The following DNAJC1 variants were observed in gnomAD, a reference collection of about 807,000 sequenced individuals.
DNAJC1 encodes dnaJ homolog subfamily C member 1.
In DNAJC1, 58 loss-of-function variants were observed where a neutral mutation model predicts 76.6. That is an observed-to-expected ratio of 0.76 (90% CI 0.61 to 0.94). The LOEUF is 0.94. Among genes scored for constraint, DNAJC1 ranks in the 40% least tolerant of loss-of-function variants. The pLI, the probability that DNAJC1 is intolerant of heterozygous loss-of-function variation, is 0.00. For synonymous variants in DNAJC1, 258 were observed against 267.9 expected, an observed-to-expected ratio of 0.96 and a Z score of 0.36; for missense variants, 689 against 677.3, an observed-to-expected ratio of 1.02 and a Z score of -0.19.
chr10:22,000,303 A>G (rs546339276), intron 1 of DNAJC1, among the ~76,000 whole-genome samples: 23 of 152,280 alleles, frequency 1.5e-4, no homozygotes, highest in African/African-American at 4.6e-4. Flanking sequence ...TCAGTACACT[A>G]AAGAGATCAT....
chr10:21,837,061 C>T (rs1489584474), intron 8 of DNAJC1, among the ~76,000 whole-genome samples: 2 of 152,254 alleles, frequency 1.3e-5, no homozygotes, highest in Admixed American at 1.3e-4. Flanking sequence ...CAGGCGTGCG[C>T]CGCCACGCCT....
intron 7 of DNAJC1, among the ~76,000 whole-genome samples, chr10:21,896,066 T>C (rs968074632): frequency 6.6e-6 from 1 of 152,170 alleles, no homozygotes; most frequent in Non-Finnish European, 1.5e-5. Flanking sequence ...TTTCAACAGA[T>C]GCCTCATAGA....
At chr10:21,849,292 CAA>C (rs33953332) in intron 8 of DNAJC1, among the ~76,000 whole-genome samples, 60 of 35,864 alleles carry the variant, frequency 1.7e-3, no homozygotes, top group African/African-American at 5.4e-3. Flanking sequence ...GACTCCGCCT[CAA>C]AAAAAAAAAA....
At chr10:21,893,812 A>T (rs1412912883) in intron 7 of DNAJC1, among the ~76,000 whole-genome samples, 1 of 151,850 alleles carries the variant, frequency 6.6e-6, no homozygotes, top group South Asian at 2.1e-4. Flanking sequence ...AGAAGGAAGG[A>T]AGTAATAAAA....
chr10:21,791,413 C>T (rs1834685396), intron 9 of DNAJC1, among the ~76,000 whole-genome samples: 1 of 152,170 alleles, frequency 6.6e-6, no homozygotes, highest in Non-Finnish European at 1.5e-5. Context: ...ATTTACAGAA[C>T]ACTTCATCCA....
intron 6 of DNAJC1, among the ~76,000 whole-genome samples, chr10:21,906,240 C>G (rs1836743910): frequency 1.3e-5 from 2 of 152,076 alleles, no homozygotes; most frequent in African/African-American, 4.8e-5. Context: ...AACAATGGTA[C>G]TACTAGAAGA....
At chr10:21,879,945 G>A (rs903475058) in intron 8 of DNAJC1, among the ~76,000 whole-genome samples, 1 of 152,134 alleles carries the variant, frequency 6.6e-6, no homozygotes, top group African/African-American at 2.4e-5. Context: ...ATATTTCTCT[G>A]TAGCATGTGA....
chr10:21,818,367 T>G (rs1835106744), intron 8 of DNAJC1, among the ~76,000 whole-genome samples: 1 of 152,210 alleles, frequency 6.6e-6, no homozygotes, highest in African/African-American at 2.4e-5. Flanking sequence ...TGTCTCCTAA[T>G]AAGATGTTAT....
chr10:21,867,002 C>T (rs1836011804), intron 8 of DNAJC1, among the ~76,000 whole-genome samples: 1 of 152,092 alleles, frequency 6.6e-6, no homozygotes, highest in African/African-American at 2.4e-5. Flanking sequence ...TTAAAACTGG[C>T]TTTTCAGCTA....
chr10:21,900,571 T>C (rs914847898), intron 7 of DNAJC1, among the ~76,000 whole-genome samples: 5 of 152,154 alleles, frequency 3.3e-5, no homozygotes, highest in Admixed American at 3.3e-4. Context: ...CCATTGGTAT[T>C]CAAATATCCT....
chr10:21,938,624 G>A (rs1039612159), intron 1 of DNAJC1, among the ~76,000 whole-genome samples: 1 of 152,128 alleles, frequency 6.6e-6, no homozygotes, highest in Non-Finnish European at 1.5e-5. Flanking sequence ...TGGGTATGGT[G>A]GTGTTCCAAT....
intron 1 of DNAJC1, among the ~76,000 whole-genome samples, chr10:21,966,302 C>G (rs996946931): frequency 1.3e-5 from 2 of 152,032 alleles, no homozygotes; most frequent in African/African-American, 4.8e-5. Flanking sequence ...TACCATTTTT[C>G]CCTATATAAT....
chr10:21,929,966 C>A (rs1322390096), intron 1 of DNAJC1, among the ~76,000 whole-genome samples: 6 of 152,112 alleles, frequency 3.9e-5, no homozygotes, highest in African/African-American at 1.2e-4. Context: ...ACAAAGAATA[C>A]ACTGTCAAGT....
At chr10:21,801,925 C>A (rs1314041441) in intron 9 of DNAJC1, among the ~76,000 whole-genome samples, 1 of 151,962 alleles carries the variant, frequency 6.6e-6, no homozygotes, top group Non-Finnish European at 1.5e-5. Flanking sequence ...CACTTGTAAG[C>A]GGGAGCTAAA....
At chr10:21,919,634 A>G (rs1837008261) in intron 5 of DNAJC1, among the ~76,000 whole-genome samples, 198 bp downstream of exon 5, 2 of 151,974 alleles carry the variant, frequency 1.3e-5, no homozygotes, top group Admixed American at 6.6e-5. Flanking sequence ...CACACTTTAT[A>G]TGGGGGAAAA....
rs371913697 is a variant in DNAJC1 at position 21,837,533 on chromosome 10, G to C, written c.979-31434C>G. Among the ~76,000 whole-genome samples, 4 of 151,586 alleles carry C rather than the reference G, an allele frequency of 2.6e-5. No individual in the cohort carries two copies. In the East Asian group the frequency reaches 7.8e-4, roughly 30 times the overall value. ...CGCCTCTGCCCCACTGCCCCGTCTG[G>C]GATGTGAGGTGCGCCTCTGCCTGGC... On this transcript the variant is annotated intron_variant, in intron 8 of 11. Transcript: ENST00000376980.
In DNAJC1 at chr10:21,841,776, C is replaced by T. The variant is rs193287661; in HGVS notation, c.979-35677G>A. On this transcript the variant is annotated intron_variant, in intron 8 of 11. Coordinates refer to ENST00000376980, the MANE Select transcript of DNAJC1 (RefSeq NM_022365.4). ...GGGTATATACCCAAAGGATTATAAACCATGCTGCTATAAAGACACACGTAT... is the reference window on the plus strand; with the variant it reads ...GGGTATATACCCAAAGGATTATAAATCATGCTGCTATAAAGACACACGTAT... Among the ~76,000 whole-genome samples the T allele has an allele frequency of 4.1e-3, 628 of 152,154 alleles. 4 individuals carry two copies. Among genetic ancestry groups the T allele is most frequent in the Non-Finnish European group, 6.2e-3 (424 of 68,004 alleles).
chr10:21,825,887 G>C (rs1835241755), intron 8 of DNAJC1, among the ~76,000 whole-genome samples: 3 of 152,126 alleles, frequency 2.0e-5, no homozygotes, highest in Admixed American at 2.0e-4. Flanking sequence ...TGTTGTTATT[G>C]AGTTGGACTT....
At chr10:21,781,863 A>T (rs1834533529) in intron 9 of DNAJC1, among the ~76,000 whole-genome samples, 1 of 152,334 alleles carries the variant, frequency 6.6e-6, no homozygotes, top group Non-Finnish European at 1.5e-5. Context: ...GAACAAAGAC[A>T]CAACATACCA....
Sources: allele counts gnomAD v4.1 joint callset (sites outside exome capture counted in the v4.1 genomes callset), GRCh38; gene constraint gnomAD v4.1.1; transcripts MANE v1.5; gene names NCBI Gene and HGNC (gene_info 2026-07-23, HGNC 2026-07-21).